Variants in SLC35E3 observed in about 807,000 individuals in gnomAD.
The protein encoded by SLC35E3 is bladder cancer-overexpressed gene 1 protein.
Under a neutral mutation model 30.8 loss-of-function variants are expected in SLC35E3, and 28 were observed. The observed-to-expected ratio is 0.91, with a 90% CI of 0.67 to 1.25. The LOEUF is 1.25. SLC35E3 is among the 50% of genes most tolerant of loss of function. SLC35E3 has a pLI of 0.00. For missense variants in SLC35E3, 365 were observed against 375.4 expected (o/e 0.97, Z 0.23); for synonymous variants, 146 against 149.2 (o/e 0.98, Z 0.16).
chr12:68,761,612 C>A (rs998847757), intron 4 of SLC35E3, among the ~76,000 whole-genome samples: 2 of 152,080 alleles, frequency 1.3e-5, no homozygotes, highest in Non-Finnish European at 2.9e-5. Context: ...CCAAAAATGC[C>A]TCCAAAGATT....
At chr12:68,753,809 T>TACACACACACACAC (rs1229325376) in intron 3 of SLC35E3, among the ~76,000 whole-genome samples, 69 of 148,590 alleles carry the variant, frequency 4.6e-4, no homozygotes, top group East Asian at 1.6e-3. Context: ...TATATATCCA[T>TACACACACACACAC]ACACACACAC....
At chr12:68,752,302 G>A (rs532484905) in intron 3 of SLC35E3, 112 bp downstream of exon 3, 33 of 1,056,320 alleles carry the variant, frequency 3.1e-5, no homozygotes, top group Middle Eastern at 3.0e-4. Context: ...CACATTTATC[G>A]TCATAATCAC....
chr12:68,746,754 T>C lies in SLC35E3; in HGVS notation c.377T>C (p.Phe126Ser). 1 of 1,593,822 alleles carries C rather than the reference T, an allele frequency of 6.3e-7. No individual in the cohort carries two copies. Among genetic ancestry groups the C allele is most frequent in the South Asian group, 1.1e-5 (1 of 89,594 alleles). Residue 126 changes from phenylalanine (F) to serine (S), a missense_variant, in exon 1 of 5, where the codon TTC becomes TCC. Phe to Ser is a radical substitution (Grantham distance 155, BLOSUM62 -2). Transcript: ENST00000398004. ...CAGACCTTCTGCTACCAGAAAACCT[T>C]CTCCACCAGAATCCAGCTCACGCTG... ...AIQTFCYQKT[F>S]STRIQLTLIP... is the part of the protein sequence containing the mutation.
chr12:68,748,021 T>G lies in SLC35E3; in HGVS notation c.494T>G (p.Val165Gly), dbSNP rs267603644. Residue 165 changes from valine (V) to glycine (G), a missense_variant, in exon 2 of 5, where the codon GTT (valine) becomes GGT (glycine). Transcript: ENST00000398004. ...GTGTTTGCTGCTCTTGGTGTTTTAG[T>G]TACATCCCTTTATCAAGTGGTTGGT... The part of the protein sequence containing the change: ...GMVFAALGVL[V>G]TSLYQVWVGA... 6.2e-7 allele frequency: 1 copy of G among 1,602,468 alleles called. No homozygotes were observed. The highest frequency in any genetic ancestry group is 1.1e-5 in the South Asian group (1 of 89,972).
At position 68,764,883 on chromosome 12, in the gene SLC35E3, G is replaced by A. The variant is rs200785927; in HGVS notation, c.935G>A (p.Arg312His). 33 of 1,612,470 alleles carry A rather than the reference G, an allele frequency of 2.0e-5. No individual in the cohort carries two copies. The highest frequency in any genetic ancestry group is 2.6e-5 in the Non-Finnish European group (31 of 1,179,120). Residue 312 changes from arginine to histidine, a missense_variant, in exon 5 of 5, where the codon CGT becomes CAT. By Grantham distance (29) the Arg-to-His change is conservative. Coordinates refer to ENST00000398004, the MANE Select transcript of SLC35E3 (RefSeq NM_018656.5). ...GGAAGTAGGAGTAAACTGGCACAAC[G>A]TCCTTAATTGGGTTTTTGTGGAGAA... is the stretch of plus-strand genomic sequence containing the variant. Reference protein sequence around the residue: ...QEGSRSKLAQRP With the variant: ...QEGSRSKLAQHP
At position 68,765,464 on chromosome 12, in the gene SLC35E3, G is replaced by C. The variant is rs1196806754; in HGVS notation, c.*574G>C. The C allele has an allele frequency of 1.3e-5, 2 of 151,618 alleles. No individual in the cohort carries two copies. The highest frequency in any genetic ancestry group is 2.9e-5 in the Non-Finnish European group (2 of 68,006). The allele number at this position is 151,618 out of a possible 1,614,324, so 9.4% of individuals were successfully genotyped here. On this transcript the variant is annotated 3_prime_UTR_variant, in exon 5 of 5. Coordinates refer to ENST00000398004, the MANE Select transcript of SLC35E3 (RefSeq NM_018656.5). ...TAGCCTGGTGTGGTGGTGCACACCTGTAATCCCAGCTACTTGGGAGACTGA... is the reference window on the plus strand; with the variant it reads ...TAGCCTGGTGTGGTGGTGCACACCTCTAATCCCAGCTACTTGGGAGACTGA...
intron 2 of SLC35E3, among the ~76,000 whole-genome samples, chr12:68,751,301 G>GT (rs71436076): frequency 2.5e-3 from 352 of 140,436 alleles, no homozygotes; most frequent in Middle Eastern, 3.7e-3. Flanking sequence ...CTCTGTCTTT[G>GT]TTTTTTTTTT....
Position 68,781,416 on chromosome 12 carries a change from G to A in SLC35E3, c.*16526G>A, listed in dbSNP as rs946357537. On this transcript the variant is annotated 3_prime_UTR_variant, in exon 5 of 5. Transcript: ENST00000398004. ...CAGGATTGTTTCTACATTTTAGCTT[G>A]GAGATCCCATGACTACTCTGTTTTG... 1 of 152,188 alleles carries A rather than the reference G, an allele frequency of 6.6e-6. No individual in the cohort carries two copies. The highest frequency in any genetic ancestry group is 2.4e-5 in the African/African-American group (1 of 41,440). The allele number at this position is 152,188 out of a possible 1,614,324, so 9.4% of individuals were successfully genotyped here. A position where few individuals can be genotyped will look rare whatever the true frequency, so the allele number is the denominator to read the frequency against.
In SLC35E3 at chr12:68,774,016, T is replaced by C. The variant is rs1452029279; in HGVS notation, c.*9126T>C. ...CTGAGGATTTCTAGGGTATCCTGAT[T>C]AAAAGGGACAGATGTGGCTGGTAGT... On this transcript the variant is annotated 3_prime_UTR_variant, in exon 5 of 5. Transcript: ENST00000398004. The C allele has an allele frequency of 6.6e-6, 1 of 152,146 alleles. No individual in the cohort carries two copies. Among genetic ancestry groups the C allele is most frequent in the Non-Finnish European group, 1.5e-5 (1 of 68,036 alleles). The allele number at this position is 152,146 out of a possible 1,614,324, so 9.4% of individuals were successfully genotyped here.
chr12:68,759,062 A>AT, intron 3 of SLC35E3, 95 bp from the exon 4 acceptor site: 1 of 945,510 alleles, frequency 1.1e-6, no homozygotes, highest in Non-Finnish European at 1.7e-6. Context: ...AATGGTTGAT[A>AT]TTTGAATTTT....
At position 68,769,986 on chromosome 12, in the gene SLC35E3, C is replaced by T. The variant is rs572134474; in HGVS notation, c.*5096C>T. 32 of 152,298 alleles carry T rather than the reference C, an allele frequency of 2.1e-4. No homozygotes were observed. Among genetic ancestry groups the T allele is most frequent in the African/African-American group, 6.7e-4 (28 of 41,570 alleles). The allele number at this position is 152,298 out of a possible 1,614,324, so 9.4% of individuals were successfully genotyped here. A position where few individuals can be genotyped will look rare whatever the true frequency, so the allele number is the denominator to read the frequency against. ...ACTCAATGAATGCTAAAGGGAACAT[C>T]GTTCTGTGAGCACATAACAAAAGAA... On this transcript the variant is annotated 3_prime_UTR_variant, in exon 5 of 5. Coordinates refer to ENST00000398004, the MANE Select transcript of SLC35E3 (RefSeq NM_018656.5).
chr12:68,746,939 A>G (rs968858672), intron 1 of SLC35E3, among the ~76,000 whole-genome samples, 160 bp downstream of exon 1: 25 of 152,244 alleles, frequency 1.6e-4, no homozygotes, highest in Non-Finnish European at 7.3e-5. Context: ...GGGAGGGGGA[A>G]AAGGCCATCT....
rs1385467607 is a variant in SLC35E3, at chr12:68,771,402, C to G, written c.*6512C>G. ...ATGCCTGATAAGGAGGAAAACAGAC[C>G]AAGATGAGCTTGCTGAAGAAGATAG... On this transcript the variant is annotated 3_prime_UTR_variant, in exon 5 of 5. Transcript: ENST00000398004. 1 of 151,876 alleles carries G rather than the reference C, an allele frequency of 6.6e-6. No homozygotes were observed. The highest frequency in any genetic ancestry group is 1.5e-5 in the Non-Finnish European group (1 of 68,030). 9.4% of individuals were successfully genotyped at this position (151,876 alleles called of 1,614,324 possible).
intron 3 of SLC35E3, among the ~76,000 whole-genome samples, chr12:68,754,585 C>T (rs1287271047): frequency 6.6e-6 from 1 of 152,100 alleles, no homozygotes; most frequent in Non-Finnish European, 1.5e-5. Flanking sequence ...CGCGCCCAGC[C>T]GGTGTCTGTG....
chr12:68,768,434 A>G lies in SLC35E3; in HGVS notation c.*3544A>G, dbSNP rs2136082952. The G allele has an allele frequency of 6.6e-6, 1 of 152,264 alleles. No homozygotes were observed. Among genetic ancestry groups the G allele is most frequent in the South Asian group, 2.1e-4 (1 of 4,828 alleles). 9.4% of individuals were successfully genotyped at this position (152,264 alleles called of 1,614,324 possible). A position where few individuals can be genotyped will look rare whatever the true frequency, so the allele number is the denominator to read the frequency against. ...ATGTATATAAATGAATAAAATAAGT[A>G]CTGCTAAAACTTGAGTCTGATAAAC... On this transcript the variant is annotated 3_prime_UTR_variant, in exon 5 of 5. Coordinates refer to ENST00000398004, the MANE Select transcript of SLC35E3 (RefSeq NM_018656.5).
At position 68,746,575 on chromosome 12, in the gene SLC35E3, C is replaced by T. The variant is rs1878577946; in HGVS notation, c.198C>T (p.Ile66=). ...TGTATATCTGCCAGAAGCTGGACAT[C>T]TTTGCCCCCAAAAGTCTGCCGCCCT... is the stretch of plus-strand genomic sequence containing the variant. ...LGLYICQKLD[I]FAPKSLPPSR... Residue 66 remains isoleucine, a synonymous_variant, in exon 1 of 5, where the codon ATC becomes ATT. Coordinates refer to ENST00000398004, the MANE Select transcript of SLC35E3 (RefSeq NM_018656.5). The T allele has an allele frequency of 6.2e-7, 1 of 1,614,214 alleles. No homozygotes were observed. The highest frequency in any genetic ancestry group is 8.5e-7 in the Non-Finnish European group (1 of 1,180,010).
In SLC35E3 at chr12:68,768,219, T is replaced by C. The variant is rs1292164512; in HGVS notation, c.*3329T>C. On this transcript the variant is annotated 3_prime_UTR_variant, in exon 5 of 5. Transcript: ENST00000398004. ...CAGGAGAATCACTTGAACCAGGGAG[T>C]CGGAGGTTGCAGTGAGCCGAGACTG... 2 of 150,114 alleles carry C rather than the reference T, an allele frequency of 1.3e-5. No individual in the cohort carries two copies. Among genetic ancestry groups the C allele is most frequent in the African/African-American group, 4.9e-5 (2 of 40,722 alleles). 9.3% of individuals were successfully genotyped at this position (150,114 alleles called of 1,614,324 possible).
chr12:68,759,016 A>G (rs1273964999), intron 3 of SLC35E3, 141 bp from the exon 4 acceptor site: 3 of 637,688 alleles, frequency 4.7e-6, no homozygotes, highest in Non-Finnish European at 8.0e-6. Context: ...GGCGTGAGCC[A>G]CCGCGCCCGG....
chr12:68,756,048 G>A (rs1878988220), intron 3 of SLC35E3, among the ~76,000 whole-genome samples: 1 of 152,024 alleles, frequency 6.6e-6, no homozygotes, highest in Non-Finnish European at 1.5e-5. Context: ...GTTCTCCAGT[G>A]CTCCGCTCTG....
Sources: gnomAD v4.1 joint callset for allele counts (sites outside exome capture counted in the v4.1 genomes callset) on GRCh38, gnomAD v4.1.1 for gene constraint, MANE v1.5 for transcripts, NCBI Gene and HGNC (gene_info 2026-07-23, HGNC 2026-07-21) for gene names.